The following FHAD1 variants were observed in gnomAD, a reference collection of about 807,000 sequenced individuals.
FHAD1 encodes the protein forkhead associated phosphopeptide binding domain 1, also known as forkhead-associated domain-containing protein 1.
FHAD1 carries 146 observed loss-of-function variants against 191.3 expected under a neutral mutation model. That is an observed-to-expected ratio of 0.76 (90% confidence interval 0.67 to 0.88). The LOEUF is 0.88. Among genes scored for constraint, FHAD1 ranks in the 40% least tolerant of loss-of-function variants. FHAD1 has a pLI of 0.00. For missense variants in FHAD1, 1,635 were observed against 1,785.8 expected (o/e 0.92, Z 1.52); for synonymous variants, 616 against 672.3 (o/e 0.92, Z 1.29).
At chr1:15,332,737 G>A (rs1166521415) in intron 14 of FHAD1, among the ~76,000 whole-genome samples, 1 of 152,098 alleles carries the variant, frequency 6.6e-6, no homozygotes, top group East Asian at 1.9e-4. Context: ...AACACGGATT[G>A]TAAAGTTAAG....
chr1:15,301,441 G>C lies in FHAD1; in HGVS notation c.915G>C (p.Gln305His). The change falls in exon 6 of 34, where the codon CAG (glutamine) becomes CAC (histidine). Residue 305 changes from glutamine to histidine, a missense_variant and splice_region_variant. Transcript: ENST00000688493. Reference protein sequence around the residue: ...KQKEIQSLKSQISALQKGYSK... With the variant: ...KQKEIQSLKSHISALQKGYSK... ...AAGAGATCCAGAGCTTGAAAAGCCA[G>C]GTAGGCAGAGCCTGAGAGGTACAGC... 6.4e-7 allele frequency: 1 copy of C among 1,551,516 alleles called. No homozygotes were observed. Among genetic ancestry groups the C allele is most frequent in the Non-Finnish European group, 8.7e-7 (1 of 1,146,966 alleles).
At chr1:15,384,122 G>T (rs1701568788) in intron 31 of FHAD1, 2 of 180,610 alleles carry the variant, frequency 1.1e-5, no homozygotes, top group South Asian at 8.6e-5. Context: ...CCAGAGAAGG[G>T]TGCCCCCTCC....
intron 4 of FHAD1, among the ~76,000 whole-genome samples, chr1:15,295,011 T>A (rs1162338063): frequency 6.6e-6 from 1 of 152,222 alleles, no homozygotes; most frequent in Non-Finnish European, 1.5e-5. Flanking sequence ...TTATATATAC[T>A]GTAAGTAATG....
At chr1:15,360,029 C>T (rs1241315422) in intron 21 of FHAD1, among the ~76,000 whole-genome samples, 20 of 152,122 alleles carry the variant, frequency 1.3e-4, no homozygotes, top group Non-Finnish European at 2.1e-4. Flanking sequence ...AGGAGAATCG[C>T]TTGAACCCAG....
chr1:15,276,116 C>G lies in FHAD1; in HGVS notation c.300+3587C>G, dbSNP rs982462377. On this transcript the variant is annotated intron_variant, in intron 3 of 33. Transcript: ENST00000688493. The surrounding 1 kb of genome is among the most constrained non-coding windows in gnomAD (Gnocchi z 4.7). ...CCACACAGTTCTGCCCTGCTCTTGACCAGCTGTGGGATCATGCACAAGTTG... is the reference window on the plus strand; with the variant it reads ...CCACACAGTTCTGCCCTGCTCTTGAGCAGCTGTGGGATCATGCACAAGTTG... Among the ~76,000 whole-genome samples, 7 of 152,196 alleles carry G rather than the reference C, an allele frequency of 4.6e-5. No homozygotes were observed. Among genetic ancestry groups the G allele is most frequent in the African/African-American group, 1.7e-4 (7 of 41,428 alleles).
chr1:15,399,119 G>A (rs891589795), downstream of FHAD1, among the ~76,000 whole-genome samples: 11 of 152,150 alleles, frequency 7.2e-5, no homozygotes, highest in Non-Finnish European at 1.6e-4. Context: ...ACCGCGGCCA[G>A]CCTACTTTTT....
chr1:15,274,503 T>C (rs1273275781), intron 3 of FHAD1, among the ~76,000 whole-genome samples: 1 of 151,678 alleles, frequency 6.6e-6, no homozygotes, highest in Non-Finnish European at 1.5e-5. Context: ...TCCCAGCTAC[T>C]CTGGAGGCTG....
At position 15,256,333 on chromosome 1, in the gene FHAD1, A is replaced by G. The variant is rs555084110; in HGVS notation, c.93+4456A>G. Reference sequence around the variant, plus strand: ...GTCCATTTCTCTGCTCTGCAGGTTCAGGTGAGGGTCCCCACAGAGATGCTT... The same window carrying G: ...GTCCATTTCTCTGCTCTGCAGGTTCGGGTGAGGGTCCCCACAGAGATGCTT... On this transcript the variant is annotated intron_variant, in intron 2 of 33. Transcript: ENST00000688493. 3.9e-4 allele frequency among the ~76,000 whole-genome samples: 60 copies of G among 152,278 alleles called. No homozygotes were observed. In the South Asian group the frequency reaches 0.012, roughly 31 times the overall value.
chr1:15,292,610 G>T (rs1306627205), intron 4 of FHAD1, among the ~76,000 whole-genome samples: 2 of 152,168 alleles, frequency 1.3e-5, no homozygotes, highest in African/African-American at 4.8e-5. Context: ...AAGTTAAAAT[G>T]AGGTAGTTAG....
intron 21 of FHAD1, 102 bp downstream of exon 21, chr1:15,358,385 C>G (rs1455171456): frequency 3.4e-6 from 4 of 1,175,508 alleles, no homozygotes; most frequent in Non-Finnish European, 4.8e-6. Context: ...AGCCTCAGCA[C>G]TGCTGATGTT....
chr1:15,392,120 A>G (rs1373075265), intron 33 of FHAD1, among the ~76,000 whole-genome samples: 1 of 152,230 alleles, frequency 6.6e-6, no homozygotes, highest in Non-Finnish European at 1.5e-5. Context: ...TGCTTCGCCT[A>G]AGAACAGAGT....
At chr1:15,319,986 TG>T (rs1277914546) in intron 10 of FHAD1, among the ~76,000 whole-genome samples, 2 of 152,252 alleles carry the variant, frequency 1.3e-5, no homozygotes, top group Non-Finnish European at 2.9e-5. Context: ...AAATGCTCTC[TG>T]GGCTATCAAT....
At chr1:15,359,735 G>A (rs1694060088) in intron 21 of FHAD1, among the ~76,000 whole-genome samples, 2 of 152,080 alleles carry the variant, frequency 1.3e-5, no homozygotes. Context: ...CGGATCATGA[G>A]GTCAAGAGAT....
intron 6 of FHAD1, among the ~76,000 whole-genome samples, chr1:15,303,938 G>T (rs1469785251): frequency 6.6e-6 from 1 of 152,010 alleles, no homozygotes; most frequent in African/African-American, 2.4e-5. Context: ...ATTGAAAGAT[G>T]ATACTTTATA....
rs1022383095 is a variant in FHAD1, at chr1:15,320,043, G to A, written c.1365+2115G>A. Reference sequence around the variant, plus strand: ...GGCTGCATTCCACAAGTCTTAGTACGTAGTATTTTCGTTATTATTCAGATC... The same window carrying A: ...GGCTGCATTCCACAAGTCTTAGTACATAGTATTTTCGTTATTATTCAGATC... On this transcript the variant is annotated intron_variant, in intron 10 of 33. Transcript: ENST00000688493. Among the ~76,000 whole-genome samples the A allele has an allele frequency of 5.9e-5, 9 of 152,122 alleles. No individual in the cohort carries two copies. The South Asian group carries it at 1.0e-3, about 18-fold the overall frequency.
chr1:15,346,810 G>A (rs2102379977), intron 18 of FHAD1, among the ~76,000 whole-genome samples: 1 of 152,320 alleles, frequency 6.6e-6, no homozygotes, highest in Non-Finnish European at 1.5e-5. Context: ...GCTACTTCCT[G>A]GCTGCAGCAG....
intron 14 of FHAD1, among the ~76,000 whole-genome samples, chr1:15,337,362 C>A (rs1684621061): frequency 6.6e-6 from 1 of 152,248 alleles, no homozygotes; most frequent in Non-Finnish European, 1.5e-5. Flanking sequence ...GGCCACCATT[C>A]TACCCCTTTA....
chr1:15,360,508 C>G lies in FHAD1; in HGVS notation c.2767C>G (p.Gln923Glu). The part of the protein sequence containing the change: ...IMVEERLILQ[Q>E]KMVKALQDEQ... ...GGTGGAAGAGCGGCTAATCCTGCAGCAGAAGATGGTAAAGGCCCTCCAGGA... is the reference window on the plus strand; with the variant it reads ...GGTGGAAGAGCGGCTAATCCTGCAGGAGAAGATGGTAAAGGCCCTCCAGGA... The change falls in exon 22 of 34, where the codon CAG becomes GAG. Residue 923 changes from glutamine to glutamate, a missense_variant. Gln to Glu is a conservative substitution (Grantham distance 29). Coordinates refer to ENST00000688493, the MANE Select transcript of FHAD1 (RefSeq NM_001391957.1). 1 of 1,551,548 alleles carries G rather than the reference C, an allele frequency of 6.4e-7. No individual in the cohort carries two copies. Among genetic ancestry groups the G allele is most frequent in the South Asian group, 1.2e-5 (1 of 84,050 alleles).
rs72864868 is a variant in FHAD1 at position 15,325,152 on chromosome 1, G to A, written c.1473+593G>A. The A allele has an allele frequency of 2.1e-3, 318 of 153,110 alleles. 2 individuals carry two copies. The highest frequency in any genetic ancestry group is 7.1e-3 in the African/African-American group (295 of 41,516). The allele number at this position is 153,110 out of a possible 1,614,324, so 9.5% of individuals were successfully genotyped here. On this transcript the variant is annotated intron_variant, in intron 11 of 33. Coordinates refer to ENST00000688493, the MANE Select transcript of FHAD1 (RefSeq NM_001391957.1). This position sits in a 1 kb window ranked among gnomAD's most constrained non-coding sequence, Gnocchi z 4.6. ...GTCATGGGGGCCGGAATGTGCAGAC[G>A]AAAGTTTACCAAAAGCTAAGGGAAA...
Sources: gnomAD v4.1 joint callset for allele counts (sites outside exome capture counted in the v4.1 genomes callset) on GRCh38, gnomAD v4.1.1 for gene constraint, Gnocchi (gnomAD v3.1) non-coding constraint, MANE v1.5 for transcripts, NCBI Gene and HGNC (gene_info 2026-07-23, HGNC 2026-07-21) for gene names.